Variants in FAM117A observed in about 807,000 individuals in gnomAD.
FAM117A encodes family with sequence similarity 117 member A.
In FAM117A, 21 loss-of-function variants were observed where a neutral mutation model predicts 44.1. The ratio of observed to expected loss-of-function variants is 0.48; its 90% CI spans 0.34 to 0.69. The LOEUF is 0.69. Among genes scored for constraint, FAM117A ranks in the 30% least tolerant of loss-of-function variants. FAM117A has a pLI of 0.01. For synonymous variants in FAM117A, 220 were observed against 238.3 expected, an observed-to-expected ratio of 0.92 and a Z score of 0.71; for missense variants, 498 against 589.9, an observed-to-expected ratio of 0.84 and a Z score of 1.61.
At position 49,773,755 on chromosome 17, in the gene FAM117A, C is replaced by CTT. The variant is rs560824473; in HGVS notation, c.-621+14740_-621+14741dup. Among the ~76,000 whole-genome samples the CTT allele has an allele frequency of 3.4e-5, 5 of 145,494 alleles. No homozygotes were observed. The South Asian group carries it at 6.5e-4, about 19-fold the overall frequency. ...ATAATTTTGTAGTAGCTTAAGGTAG[C>CTT]TTTTTTTTTTTTCTGGCGACTGAGT... is the stretch of plus-strand genomic sequence containing the variant. On this transcript the variant is annotated intron_variant, in intron 1 of 7. Coordinates refer to the FAM117A transcript ENST00000513602.
At chr17:49,731,549 C>T (rs2073584953) in intron 2 of FAM117A, among the ~76,000 whole-genome samples, 1 of 152,178 alleles carries the variant, frequency 6.6e-6, no homozygotes, top group Non-Finnish European at 1.5e-5. Context: ...AAAAGACTGT[C>T]TTAATGAAAA....
intron 3 of FAM117A, 72 bp from the exon 4 acceptor site, chr17:49,720,508 G>A (rs2073529094): frequency 4.2e-6 from 5 of 1,183,186 alleles, no homozygotes; most frequent in African/African-American, 3.0e-5. Context: ...CTCTTCCAAA[G>A]AGTGGCTCCT....
intron 1 of FAM117A, among the ~76,000 whole-genome samples, chr17:49,742,793 G>A (rs932927778): frequency 1.3e-5 from 2 of 152,170 alleles, no homozygotes; most frequent in Non-Finnish European, 2.9e-5. Flanking sequence ...AAGTAGGAAA[G>A]AAATCATGAA....
At chr17:49,779,331 A>G (rs2073783188) in intron 1 of FAM117A, among the ~76,000 whole-genome samples, 1 of 152,234 alleles carries the variant, frequency 6.6e-6, no homozygotes, top group Admixed American at 6.5e-5. Flanking sequence ...GAGAACAGTC[A>G]TGACGGTCTA....
At chr17:49,747,963 G>C (rs551251627) in intron 1 of FAM117A, among the ~76,000 whole-genome samples, 2 of 152,170 alleles carry the variant, frequency 1.3e-5, no homozygotes, top group Non-Finnish European at 2.9e-5. Flanking sequence ...CTTCCAGAAA[G>C]AGTGTTGAAG....
chr17:49,720,770 A>G (rs942355464), intron 3 of FAM117A, among the ~76,000 whole-genome samples: 20 of 151,766 alleles, frequency 1.3e-4, no homozygotes, highest in African/African-American at 4.8e-4. Flanking sequence ...CCCAGGCTGG[A>G]GTGCAATGGT....
intron 1 of FAM117A, among the ~76,000 whole-genome samples, chr17:49,758,613 G>A (rs1398894784): frequency 1.5e-5 from 2 of 134,900 alleles, no homozygotes; most frequent in African/African-American, 5.7e-5. Context: ...GACAAAGCGA[G>A]ACTGTCTCAA....
chr17:49,720,495 T>C, intron 3 of FAM117A, 59 bp from the exon 4 acceptor site: 1 of 1,360,408 alleles, frequency 7.4e-7, no homozygotes, highest in South Asian at 1.2e-5. Flanking sequence ...GTGCACTGGG[T>C]CCCTCTTCCA....
intron 1 of FAM117A, among the ~76,000 whole-genome samples, chr17:49,754,263 C>T (rs1225028277): frequency 6.6e-6 from 1 of 152,052 alleles, no homozygotes. Context: ...AGTGGTTTTC[C>T]CAAAGCCACG....
At chr17:49,755,821 G>A (rs2073696553) in intron 1 of FAM117A, among the ~76,000 whole-genome samples, 1 of 152,180 alleles carries the variant, frequency 6.6e-6, no homozygotes, top group Non-Finnish European at 1.5e-5. Context: ...GAGTGAGCCT[G>A]GGGGAGGTGT....
chr17:49,756,610 C>CAAA (rs142459710), intron 1 of FAM117A, among the ~76,000 whole-genome samples: 1 of 116,432 alleles, frequency 8.6e-6, no homozygotes. Flanking sequence ...CCCCATCTCT[C>CAAA]AAAAAAAAAA....
intron 1 of FAM117A, among the ~76,000 whole-genome samples, chr17:49,756,662 T>C (rs1354673483): frequency 6.7e-6 from 1 of 150,188 alleles, no homozygotes; most frequent in Non-Finnish European, 1.5e-5. Context: ...ACACCTGTAA[T>C]CGCAGCACTT....
intron 1 of FAM117A, among the ~76,000 whole-genome samples, chr17:49,779,279 C>G (rs2073783012): frequency 6.6e-6 from 1 of 152,218 alleles, no homozygotes; most frequent in African/African-American, 2.4e-5. Context: ...GCCAATGGTT[C>G]TTTCTCCCAG....
In FAM117A at chr17:49,722,499, C is replaced by A; in HGVS notation, c.462G>T (p.Glu154Asp). 6.2e-7 allele frequency: 1 copy of A among 1,613,430 alleles called. No homozygotes were observed. The change falls in exon 3 of 8, where the codon GAG (glutamate) becomes GAT (aspartate). Residue 154 changes from glutamate to aspartate, a missense_variant and splice_region_variant. Glu to Asp is a conservative substitution (Grantham distance 45). This residue lies in a region of FAM117A where 270 missense variants were observed against 277.4 expected (regional missense o/e 0.97). Transcript: ENST00000240364. ...GCAGGGAGTCAAAGTGGGTAGCTACCTCTTTTCGGTGGTCTGTGCTGCCCC... is the reference window on the plus strand; with the variant it reads ...GCAGGGAGTCAAAGTGGGTAGCTACATCTTTTCGGTGGTCTGTGCTGCCCC... The part of the protein sequence containing the change: ...ASWGSTDHRK[E>D]ISKLKQQLQR...
intron 2 of FAM117A, among the ~76,000 whole-genome samples, chr17:49,728,042 C>T (rs2073567977): frequency 6.6e-6 from 1 of 152,278 alleles, no homozygotes; most frequent in South Asian, 2.1e-4. Flanking sequence ...TGAAAACTGG[C>T]TGCAAGTGGC....
chr17:49,788,654 A>G (rs959884556), upstream of FAM117A: 1 of 566,062 alleles, frequency 1.8e-6, no homozygotes, highest in Non-Finnish European at 3.0e-6. Flanking sequence ...AAGTGAAGGA[A>G]AAAGCGCTTC....
At chr17:49,714,071 T>A (rs1478168427) in intron 7 of FAM117A, among the ~76,000 whole-genome samples, 1 of 152,080 alleles carries the variant, frequency 6.6e-6, no homozygotes, top group East Asian at 1.9e-4. Context: ...CATGTACGTG[T>A]TGGGAAGGTG....
At chr17:49,784,111 A>G (rs1259437929) in intron 1 of FAM117A, among the ~76,000 whole-genome samples, 1 of 152,240 alleles carries the variant, frequency 6.6e-6, no homozygotes, top group African/African-American at 2.4e-5. Context: ...ATGAACAACT[A>G]CATTTTGTAT....
intron 1 of FAM117A, among the ~76,000 whole-genome samples, chr17:49,759,192 T>C (rs892951400): frequency 6.6e-6 from 1 of 152,248 alleles, no homozygotes; most frequent in African/African-American, 2.4e-5. Context: ...CTCTATGTTA[T>C]ATAAGTGAGA....
Sources: gnomAD v4.1 joint callset for allele counts (sites outside exome capture counted in the v4.1 genomes callset) on GRCh38, gnomAD v4.1.1 for gene constraint, gnomAD v4.1.1 regional missense constraint, MANE v1.5 for transcripts, NCBI Gene and HGNC (gene_info 2026-07-23, HGNC 2026-07-21) for gene names.